The following PEX5L variants were observed in gnomAD, a reference collection of about 807,000 sequenced individuals.
PEX5L encodes peroxisomal biogenesis factor 5 like, also known as PEX5-related protein.
PEX5L carries 30 observed loss-of-function variants against 84.0 expected under a neutral mutation model. That is an observed-to-expected ratio of 0.36 (90% CI 0.27 to 0.48). PEX5L has a LOEUF of 0.48. PEX5L is among the 20% of genes least tolerant of loss of function. The pLI, the probability that PEX5L is intolerant of heterozygous loss-of-function variation, is 0.99. For missense variants in PEX5L, 533 were observed against 754.6 expected (o/e 0.71, Z 3.44); for synonymous variants, 270 against 283.1 (o/e 0.95, Z 0.46).
At chr3:179,835,768 A>G (rs1734718480) in intron 8 of PEX5L, among the ~76,000 whole-genome samples, 1 of 152,206 alleles carries the variant, frequency 6.6e-6, no homozygotes, top group Non-Finnish European at 1.5e-5. Context: ...GAGCCCATTA[A>G]CTGTCCAGAT....
intron 1 of PEX5L, among the ~76,000 whole-genome samples, chr3:180,014,513 G>A (rs1257736181): frequency 6.6e-6 from 1 of 151,630 alleles, no homozygotes; most frequent in South Asian, 2.1e-4. Flanking sequence ...CCAGGTTACA[G>A]GAAAGTAGGG....
chr3:179,956,407 A>G (rs1780565664), intron 2 of PEX5L, among the ~76,000 whole-genome samples: 1 of 152,176 alleles, frequency 6.6e-6, no homozygotes, highest in South Asian at 2.1e-4. Flanking sequence ...GCCTTTCAAT[A>G]TGAAGCAGTC....
intron 2 of PEX5L, among the ~76,000 whole-genome samples, chr3:179,943,088 A>G (rs1776600406): frequency 6.6e-6 from 1 of 152,266 alleles, no homozygotes; most frequent in Admixed American, 6.5e-5. Context: ...GTAATGAACT[A>G]TATGAGTTGA....
intron 1 of PEX5L, among the ~76,000 whole-genome samples, chr3:179,991,764 A>G (rs1300728327): frequency 6.6e-6 from 1 of 152,082 alleles, no homozygotes. Flanking sequence ...AATTTCTAAC[A>G]CTATACCATC....
chr3:179,867,505 C>T (rs2108626579), intron 7 of PEX5L, among the ~76,000 whole-genome samples: 2 of 152,236 alleles, frequency 1.3e-5, no homozygotes, highest in Admixed American at 1.3e-4. Flanking sequence ...GTTTCACTCC[C>T]TCCTCATTAA....
chr3:180,016,634 A>G (rs1404854620), intron 1 of PEX5L, among the ~76,000 whole-genome samples: 1 of 152,196 alleles, frequency 6.6e-6, no homozygotes, highest in Non-Finnish European at 1.5e-5. Context: ...CAGTGCTCTC[A>G]ATAAATGCCT....
chr3:179,932,098 A>C (rs1773274029), intron 2 of PEX5L, among the ~76,000 whole-genome samples: 1 of 152,194 alleles, frequency 6.6e-6, no homozygotes, highest in Non-Finnish European at 1.5e-5. Flanking sequence ...AACATATCAT[A>C]TATATACATT....
chr3:179,851,650 G>A (rs1038915251), intron 8 of PEX5L, among the ~76,000 whole-genome samples: 29 of 152,168 alleles, frequency 1.9e-4, no homozygotes, highest in Admixed American at 1.7e-3. Context: ...CTTGAGGGTT[G>A]TGCCCTCTGC....
intron 1 of PEX5L, among the ~76,000 whole-genome samples, chr3:180,017,750 G>C (rs1166950367): frequency 6.6e-6 from 1 of 151,948 alleles, no homozygotes; most frequent in Non-Finnish European, 1.5e-5. Flanking sequence ...ATATCATAAA[G>C]CTTTGTTTCT....
intron 8 of PEX5L, among the ~76,000 whole-genome samples, chr3:179,826,725 G>C (rs1049854892): frequency 1.2e-4 from 18 of 152,136 alleles, no homozygotes; most frequent in Non-Finnish European, 2.5e-4. Context: ...GTTCCTGAAT[G>C]GGTTTCTTTT....
chr3:180,014,405 G>C (rs974288903), intron 1 of PEX5L, among the ~76,000 whole-genome samples: 7 of 151,784 alleles, frequency 4.6e-5, no homozygotes, highest in African/African-American at 1.7e-4. Flanking sequence ...CCGGGAGGCG[G>C]AGCTTGCAGC....
rs1023317443 is a variant in PEX5L, at chr3:179,888,798, T to C, written c.199-1014A>G. 5.3e-5 allele frequency among the ~76,000 whole-genome samples: 8 copies of C among 152,098 alleles called. No individual in the cohort carries two copies. In the East Asian group the frequency reaches 1.5e-3, roughly 29 times the overall value. ...TTGTTTTTTAAATAGGCACAGGATGTCTGTCACCCAGGCTGGAGTGCAGTG... is the reference window on the plus strand; with the variant it reads ...TTGTTTTTTAAATAGGCACAGGATGCCTGTCACCCAGGCTGGAGTGCAGTG... On this transcript the variant is annotated intron_variant, in intron 3 of 14. Coordinates refer to ENST00000467460, the MANE Select transcript of PEX5L (RefSeq NM_016559.3).
intron 1 of PEX5L, among the ~76,000 whole-genome samples, chr3:180,012,610 A>C (rs7648838): frequency 0.045 from 6,870 of 152,176 alleles, 540 homozygotes; most frequent in African/African-American, 0.16. Flanking sequence ...AAAGAGTTAA[A>C]CTTAATAAGG....
chr3:179,882,097 C>T (rs1288373327), intron 4 of PEX5L, among the ~76,000 whole-genome samples: 1 of 152,090 alleles, frequency 6.6e-6, no homozygotes, highest in East Asian at 1.9e-4. Flanking sequence ...AATGTGATGT[C>T]CTTATAATGG....
intron 7 of PEX5L, among the ~76,000 whole-genome samples, chr3:179,871,878 T>C (rs1426898508): frequency 6.6e-6 from 1 of 152,200 alleles, no homozygotes; most frequent in Non-Finnish European, 1.5e-5. Context: ...TTAATTTGGC[T>C]AACGTTTTTC....
rs191340464 is a variant in PEX5L, at chr3:179,802,781, A to G, written c.1677-749T>C. Among the ~76,000 whole-genome samples the G allele has an allele frequency of 2.0e-3, 297 of 152,218 alleles. 1 individual carries two copies. Among genetic ancestry groups the G allele is most frequent in the Middle Eastern group, 3.4e-3 (1 of 294 alleles). On this transcript the variant is annotated intron_variant, in intron 14 of 14. Coordinates refer to ENST00000467460, the MANE Select transcript of PEX5L (RefSeq NM_016559.3). Reference sequence around the variant, plus strand: ...AATTTTTCCCATTAGTGCTAGATGTATGGAACACAGCTAGAGTAGATTGAG... The same window carrying G: ...AATTTTTCCCATTAGTGCTAGATGTGTGGAACACAGCTAGAGTAGATTGAG...
chr3:179,913,702 G>GT (rs1433021792), intron 2 of PEX5L, among the ~76,000 whole-genome samples: 1 of 151,962 alleles, frequency 6.6e-6, no homozygotes, highest in Non-Finnish European at 1.5e-5. Flanking sequence ...ATATCATAGC[G>GT]TTTTTTGCTA....
intron 10 of PEX5L, among the ~76,000 whole-genome samples, chr3:179,814,396 T>C (rs937505309): frequency 1.3e-5 from 2 of 152,204 alleles, no homozygotes; most frequent in South Asian, 2.1e-4. Flanking sequence ...ATGAGGAAAC[T>C]GAAACTTAGA....
intron 2 of PEX5L, among the ~76,000 whole-genome samples, chr3:179,914,489 A>G (rs1766316862): frequency 6.6e-6 from 1 of 152,106 alleles, no homozygotes; most frequent in Non-Finnish European, 1.5e-5. Context: ...GGTCTACACT[A>G]TGATTTTCTT....
Sources: allele counts gnomAD v4.1 joint callset (sites outside exome capture counted in the v4.1 genomes callset), GRCh38; gene constraint gnomAD v4.1.1; transcripts MANE v1.5; gene names NCBI Gene and HGNC (gene_info 2026-07-23, HGNC 2026-07-21).